The following MYH9 variants were observed in gnomAD, a reference collection of about 807,000 sequenced individuals.
The protein encoded by MYH9 is myosin-9.
MYH9 carries 29 observed loss-of-function variants against 241.9 expected under a neutral mutation model. The ratio of observed to expected loss-of-function variants is 0.12; its 90% CI spans 0.09 to 0.16. MYH9 has a LOEUF of 0.16. MYH9 is among the 10% of genes least tolerant of loss of function. The probability of loss-of-function intolerance (pLI) is 1.00; values close to 1 mark genes in which losing one functional copy is unlikely to be tolerated. For synonymous variants in MYH9, 1,047 were observed against 1,062.6 expected, an observed-to-expected ratio of 0.99 and a Z score of 0.29; for missense variants, 1,803 against 2,595.5, an observed-to-expected ratio of 0.69 and a Z score of 6.63.
Position 36,320,415 on chromosome 22 carries a change from C to T in MYH9, c.869-52G>A, listed in dbSNP as rs765187086. 8.7e-6 allele frequency: 14 copies of T among 1,603,804 alleles called. No homozygotes were observed. The East Asian group carries it at 2.9e-4, about 33-fold the overall frequency. On this transcript the variant is annotated intron_variant, in intron 8 of 40. Coordinates refer to ENST00000216181, the MANE Select transcript of MYH9 (RefSeq NM_002473.6). This position sits in a 1 kb window ranked among gnomAD's most constrained non-coding sequence, Gnocchi z 4.8. ...CTCAGCGAGGTGCTGAAAGTGGAGGCTCCATCAGCGCTGTGACCTCAAAGG... is the reference window on the plus strand; with the variant it reads ...CTCAGCGAGGTGCTGAAAGTGGAGGTTCCATCAGCGCTGTGACCTCAAAGG...
chr22:36,330,068 C>T lies in MYH9; in HGVS notation c.491-2580G>A, dbSNP rs2017398697. 6.6e-6 allele frequency among the ~76,000 whole-genome samples: 1 copy of T among 152,228 alleles called. No homozygotes were observed. The highest frequency in any genetic ancestry group is 2.4e-5 in the African/African-American group (1 of 41,456). Reference sequence around the variant, plus strand: ...ACACACACGGATGTATGCACAGGCACACACACTTCAAATTCCGAAACCCCA... The same window carrying T: ...ACACACACGGATGTATGCACAGGCATACACACTTCAAATTCCGAAACCCCA... On this transcript the variant is annotated intron_variant, in intron 3 of 40. Transcript: ENST00000216181. This position sits in a 1 kb window ranked among gnomAD's most constrained non-coding sequence, Gnocchi z 4.5.
intron 3 of MYH9, among the ~76,000 whole-genome samples, chr22:36,334,736 C>T (rs1397857343): frequency 6.6e-6 from 1 of 152,196 alleles, no homozygotes; most frequent in Non-Finnish European, 1.5e-5. Context: ...GTTTGGACTC[C>T]TACTGCCAGC....
intron 21 of MYH9, 124 bp from the exon 22 acceptor site, chr22:36,301,181 A>C: frequency 1.0e-6 from 1 of 967,438 alleles, no homozygotes; most frequent in Non-Finnish European, 1.6e-6. Context: ...AGTAGCTTTC[A>C]TCTGGAGAGC....
chr22:36,295,590 T>G lies in MYH9; in HGVS notation c.3400A>C (p.Lys1134Gln), dbSNP rs200604312. 3.7e-6 allele frequency: 6 copies of G among 1,614,118 alleles called. No individual in the cohort carries two copies. Among genetic ancestry groups the G allele is most frequent in the Non-Finnish European group, 5.1e-6 (6 of 1,180,032 alleles). ...TCTAGCTCTTCCCCAAGGTCCCGTT[T>G]CTGCTTCTCAGCTTTATTCCTGGAA... is the stretch of plus-strand genomic sequence containing the variant. ...RASRNKAEKQKRDLGEELEAL... is the reference protein window; with the variant it reads ...RASRNKAEKQQRDLGEELEAL... The change falls in exon 26 of 41, where the codon AAA becomes CAA. Residue 1134 changes from lysine to glutamine, a missense_variant. Around this residue, in one of 11 missense-constraint regions of MYH9, gnomAD observed 290 missense variants for 360.5 expected, o/e 0.80. Coordinates refer to ENST00000216181, the MANE Select transcript of MYH9 (RefSeq NM_002473.6). This position sits in a 1 kb window ranked among gnomAD's most constrained non-coding sequence, Gnocchi z 4.1.
intron 3 of MYH9, among the ~76,000 whole-genome samples, chr22:36,332,410 C>T (rs2017435589): frequency 6.6e-6 from 1 of 152,296 alleles, no homozygotes; most frequent in East Asian, 1.9e-4. Flanking sequence ...AAGCCCCTTC[C>T]GTCGCTCCCA....
chr22:36,376,460 G>A (rs750041283), intron 1 of MYH9, among the ~76,000 whole-genome samples: 3 of 151,960 alleles, frequency 2.0e-5, no homozygotes, highest in Non-Finnish European at 2.9e-5. Context: ...CTCCCTGTTG[G>A]AGGATAAGGC....
At chr22:36,326,893 G>A (rs1482798809) in intron 4 of MYH9, among the ~76,000 whole-genome samples, 2 of 152,198 alleles carry the variant, frequency 1.3e-5, no homozygotes, top group Admixed American at 1.3e-4. Context: ...GCCTGTCCTG[G>A]TCACTTGTCA....
chr22:36,304,512 G>A (rs996709702), intron 18 of MYH9, among the ~76,000 whole-genome samples: 3 of 152,166 alleles, frequency 2.0e-5, no homozygotes, highest in Non-Finnish European at 4.4e-5. Context: ...CTGGGAAGGG[G>A]AAAAAAGGAG....
In MYH9 at chr22:36,293,929, T is replaced by A; in HGVS notation, c.3838-66A>T. On this transcript the variant is annotated intron_variant, in intron 28 of 40. Transcript: ENST00000216181. This position sits in a 1 kb window ranked among gnomAD's most constrained non-coding sequence, Gnocchi z 5.1. ...CCCACTGCTCCTGCCCCACCTCATCTCCTTTAGGTAAAGCTGGACCTGAGT... is the reference window on the plus strand; with the variant it reads ...CCCACTGCTCCTGCCCCACCTCATCACCTTTAGGTAAAGCTGGACCTGAGT... 1 of 1,496,834 alleles carries A rather than the reference T, an allele frequency of 6.7e-7. No individual in the cohort carries two copies. The highest frequency in any genetic ancestry group is 1.4e-5 in the African/African-American group (1 of 72,490). The allele number at this position is 1,496,834 out of a possible 1,614,324, so 92.7% of individuals were successfully genotyped here. A position where few individuals can be genotyped will look rare whatever the true frequency, so the allele number is the denominator to read the frequency against.
intron 3 of MYH9, among the ~76,000 whole-genome samples, chr22:36,339,248 C>T (rs1473523113): frequency 6.6e-6 from 1 of 152,208 alleles, no homozygotes; most frequent in African/African-American, 2.4e-5. Flanking sequence ...TGCTAGATAA[C>T]CATCCCAATC....
At chr22:36,283,452 G>T (rs186085395) in intron 40 of MYH9, among the ~76,000 whole-genome samples, 2 of 151,120 alleles carry the variant, frequency 1.3e-5, no homozygotes, top group Non-Finnish European at 2.9e-5. Flanking sequence ...GAGGAGAATC[G>T]CTTGAACCCG....
At position 36,301,581 on chromosome 22, in the gene MYH9, G is replaced by C. The variant is rs2016878544; in HGVS notation, c.2584C>G (p.Leu862Val). The change falls in exon 21 of 41, where the codon CTG becomes GTG. Residue 862 changes from leucine to valine, a missense_variant. By Grantham distance (32) the Leu-to-Val change is conservative (BLOSUM62 1). Coordinates refer to ENST00000216181, the MANE Select transcript of MYH9 (RefSeq NM_002473.6). ...TCCGTGAGCCTGTTCTCCGCAGCCA[G>C]CTGCTTCTCTCTGACCTTCACCAGC... ...EELVKVREKQ[L>V]AAENRLTEME... The C allele has an allele frequency of 5.0e-6, 8 of 1,613,950 alleles. No homozygotes were observed. Among genetic ancestry groups the C allele is most frequent in the Non-Finnish European group, 6.8e-6 (8 of 1,180,042 alleles).
intron 4 of MYH9, among the ~76,000 whole-genome samples, chr22:36,326,871 C>T (rs1304380137): frequency 1.3e-5 from 2 of 152,222 alleles, no homozygotes; most frequent in Admixed American, 1.3e-4. Flanking sequence ...CAGAAGTAAA[C>T]TGAAATCCAC....
Position 36,306,142 on chromosome 22 carries a change from A to G in MYH9, c.2038-91T>C. On this transcript the variant is annotated intron_variant, in intron 16 of 40. Transcript: ENST00000216181. The surrounding 1 kb of genome is among the most constrained non-coding windows in gnomAD (Gnocchi z 4.1). Reference sequence around the variant, plus strand: ...GAACCCCTATGAACCTGACAGGGCAAGAGCCTAAGGGAGGGGGTCGCTACA... The same window carrying G: ...GAACCCCTATGAACCTGACAGGGCAGGAGCCTAAGGGAGGGGGTCGCTACA... The G allele has an allele frequency of 6.3e-7, 1 of 1,589,564 alleles. No homozygotes were observed. The highest frequency in any genetic ancestry group is 8.6e-7 in the Non-Finnish European group (1 of 1,168,690).
At chr22:36,357,442 G>A (rs547832492) in intron 1 of MYH9, among the ~76,000 whole-genome samples, 24 of 152,286 alleles carry the variant, frequency 1.6e-4, no homozygotes, top group African/African-American at 5.5e-4. Flanking sequence ...GCTGTCCTGT[G>A]CCACGTGGGG....
At chr22:36,348,111 TTAAA>T (rs1330817822) in intron 2 of MYH9, among the ~76,000 whole-genome samples, 2 of 147,616 alleles carry the variant, frequency 1.4e-5, no homozygotes, top group Non-Finnish European at 3.0e-5. Context: ...TTAAAATATT[TTAAA>T]TAATTAAGAT....
chr22:36,345,136 C>A (rs940672981), intron 2 of MYH9, among the ~76,000 whole-genome samples: 2 of 151,986 alleles, frequency 1.3e-5, no homozygotes, highest in Non-Finnish European at 2.9e-5. Context: ...CACGGTGAAA[C>A]CCCGTCTCCA....
rs202226279 is a variant in MYH9, at chr22:36,289,849, C to G, written c.4345-552G>C. On this transcript the variant is annotated intron_variant, in intron 31 of 40. Coordinates refer to ENST00000216181, the MANE Select transcript of MYH9 (RefSeq NM_002473.6). Reference sequence around the variant, plus strand: ...GGTTGCTGACCATTTCCTAAAGGGCCAGATAGTGCATTCTTTAGAGTATGC... The same window carrying G: ...GGTTGCTGACCATTTCCTAAAGGGCGAGATAGTGCATTCTTTAGAGTATGC... Among the ~76,000 whole-genome samples the G allele has an allele frequency of 3.9e-5, 6 of 152,234 alleles. No individual in the cohort carries two copies. The East Asian group carries it at 1.2e-3, about 29-fold the overall frequency.
intron 1 of MYH9, among the ~76,000 whole-genome samples, chr22:36,352,579 G>A (rs1179275391): frequency 6.6e-6 from 1 of 152,178 alleles, no homozygotes; most frequent in Non-Finnish European, 1.5e-5. Flanking sequence ...AGCTGGCGGG[G>A]AGGAATTCCA....
Sources: allele counts gnomAD v4.1 joint callset (sites outside exome capture counted in the v4.1 genomes callset), GRCh38; gene constraint gnomAD v4.1.1; regional missense constraint gnomAD v4.1.1; non-coding constraint Gnocchi (gnomAD v3.1); transcripts MANE v1.5; gene names NCBI Gene and HGNC (gene_info 2026-07-23, HGNC 2026-07-21).